Variants in MSRA observed in about 807,000 individuals in gnomAD.
The protein encoded by MSRA is methionine sulfoxide reductase A.
MSRA carries 54 observed loss-of-function variants against 31.3 expected under a neutral mutation model. That is an observed-to-expected ratio of 1.73 (90% CI 1.39 to 2.17). The LOEUF (loss-of-function observed/expected upper bound fraction) is 2.17, where lower values mean the gene tolerates loss of function less well. Ranked by LOEUF, MSRA falls within the 30% of genes most tolerant of loss-of-function variation. The probability of loss-of-function intolerance (pLI) is 0.00; values close to 1 mark genes in which losing one functional copy is unlikely to be tolerated. For synonymous variants in MSRA, 169 were observed against 116.5 expected (o/e 1.45, Z -2.90); for missense variants, 507 against 300.9 (o/e 1.69, Z -5.07).
At chr8:10,210,967 C>G (rs535680162) in intron 2 of MSRA, among the ~76,000 whole-genome samples, 8 of 151,940 alleles carry the variant, frequency 5.3e-5, no homozygotes, top group African/African-American at 1.9e-4. Context: ...AACTCCTAAC[C>G]TCAAGAGATC....
At chr8:10,420,969 C>T (rs180741813) in intron 5 of MSRA, among the ~76,000 whole-genome samples, 98 of 152,042 alleles carry the variant, frequency 6.4e-4, no homozygotes, top group African/African-American at 2.2e-3. Context: ...TGCACTCCAG[C>T]CTGGGTGACA....
chr8:10,237,435 A>G (rs1000707961), intron 2 of MSRA, among the ~76,000 whole-genome samples: 10 of 152,252 alleles, frequency 6.6e-5, no homozygotes, highest in African/African-American at 2.4e-4. Context: ...TGTGTGTCCA[A>G]ACCAAATTAC....
chr8:10,104,740 C>T lies in MSRA; in HGVS notation c.142+50082C>T, dbSNP rs563217568. 4.6e-5 allele frequency among the ~76,000 whole-genome samples: 7 copies of T among 152,230 alleles called. No individual in the cohort carries two copies. In the East Asian group the frequency reaches 5.8e-4, roughly 13 times the overall value. ...CTTTTCCTGAATTCCAAAAGGGAGA[C>T]GGATATAATGAGGCATGTCCAACCC... is the stretch of plus-strand genomic sequence containing the variant. On this transcript the variant is annotated intron_variant, in intron 1 of 5. Transcript: ENST00000317173.
At chr8:10,367,491 G>A (rs77414033) in intron 5 of MSRA, among the ~76,000 whole-genome samples, 304 of 152,290 alleles carry the variant, frequency 2.0e-3, no homozygotes, top group African/African-American at 7.0e-3. Context: ...GATAAGGAGG[G>A]CTTCCGTATT....
chr8:10,368,810 A>G (rs114035536), intron 5 of MSRA, among the ~76,000 whole-genome samples: 1 of 152,200 alleles, frequency 6.6e-6, no homozygotes, highest in African/African-American at 2.4e-5. Flanking sequence ...ACATGCTTGT[A>G]CCTGTCTTGT....
At chr8:10,409,811 C>T (rs1324806910) in intron 5 of MSRA, among the ~76,000 whole-genome samples, 1 of 152,228 alleles carries the variant, frequency 6.6e-6, no homozygotes, top group African/African-American at 2.4e-5. Flanking sequence ...CCTGTAATGT[C>T]AGTACTTTGG....
At chr8:10,334,237 T>G (rs1209830209) in intron 5 of MSRA, among the ~76,000 whole-genome samples, 1 of 151,856 alleles carries the variant, frequency 6.6e-6, no homozygotes, top group African/African-American at 2.4e-5. Context: ...TACACACACA[T>G]TTATATTCGT....
At chr8:10,367,435 T>G (rs2129168435) in intron 5 of MSRA, among the ~76,000 whole-genome samples, 1 of 152,338 alleles carries the variant, frequency 6.6e-6, no homozygotes, top group African/African-American at 2.4e-5. Flanking sequence ...CCATATCCTC[T>G]GAGGTTTTGA....
chr8:10,183,388 A>G (rs1433743032), intron 1 of MSRA, among the ~76,000 whole-genome samples: 3 of 152,168 alleles, frequency 2.0e-5, no homozygotes, highest in Non-Finnish European at 4.4e-5. Context: ...GTCAGAAAGT[A>G]TAAGGTTTAC....
At chr8:10,406,952 C>T (rs1442408350) in intron 5 of MSRA, among the ~76,000 whole-genome samples, 1 of 152,204 alleles carries the variant, frequency 6.6e-6, no homozygotes, top group African/African-American at 2.4e-5. Flanking sequence ...TTCTGGGCTC[C>T]CTGTGGCCTC....
At chr8:10,071,738 T>C (rs1172820476) in intron 1 of MSRA, among the ~76,000 whole-genome samples, 2 of 152,204 alleles carry the variant, frequency 1.3e-5, no homozygotes, top group African/African-American at 4.8e-5. Flanking sequence ...CAAACAGAAC[T>C]CTGTGTACTG....
At position 10,428,360 on chromosome 8, in the gene MSRA, A is replaced by G; in HGVS notation, c.*48A>G. Reference sequence around the variant, plus strand: ...TTGAGGTTCCAGTAAAAATGCTTTCAACAAATTGGGCAATGCTTGTGTGAT... The same window carrying G: ...TTGAGGTTCCAGTAAAAATGCTTTCGACAAATTGGGCAATGCTTGTGTGAT... On this transcript the variant is annotated 3_prime_UTR_variant, in exon 6 of 6. Coordinates refer to ENST00000317173, the MANE Select transcript of MSRA (RefSeq NM_012331.5). The G allele has an allele frequency of 6.3e-7, 1 of 1,589,118 alleles. No individual in the cohort carries two copies. Among genetic ancestry groups the G allele is most frequent in the Non-Finnish European group, 8.6e-7 (1 of 1,162,906 alleles).
chr8:10,322,602 G>A (rs1802107803), intron 5 of MSRA, among the ~76,000 whole-genome samples: 2 of 152,128 alleles, frequency 1.3e-5, no homozygotes, highest in Admixed American at 1.3e-4. Context: ...CTGTTTGGAG[G>A]AGCCATGGGC....
chr8:10,162,093 G>T (rs1456822955), intron 1 of MSRA, among the ~76,000 whole-genome samples: 1 of 152,190 alleles, frequency 6.6e-6, no homozygotes, highest in Non-Finnish European at 1.5e-5. Context: ...TAGGAATTCC[G>T]ATGGGAGGTG....
intron 2 of MSRA, 31 bp from the exon 3 acceptor site, chr8:10,245,073 T>C: frequency 6.2e-7 from 1 of 1,607,222 alleles, no homozygotes; most frequent in Non-Finnish European, 8.5e-7. Context: ...GAATAATCAG[T>C]ATCCTTTTTT....
At chr8:10,066,461 C>T (rs1797459163) in intron 1 of MSRA, among the ~76,000 whole-genome samples, 1 of 152,136 alleles carries the variant, frequency 6.6e-6, no homozygotes, top group Non-Finnish European at 1.5e-5. Context: ...TAAAAATGGA[C>T]CAGATTGTAT....
intron 1 of MSRA, among the ~76,000 whole-genome samples, chr8:10,206,092 T>A (rs183402972): frequency 6.6e-6 from 1 of 152,244 alleles, no homozygotes. Context: ...GATTCATGGG[T>A]TTAAAGAGTT....
chr8:10,181,523 G>A (rs1228462928), intron 1 of MSRA, among the ~76,000 whole-genome samples: 3 of 151,814 alleles, frequency 2.0e-5, no homozygotes, highest in African/African-American at 7.3e-5. Flanking sequence ...GTAGGCCAAA[G>A]TGAAGACTGA....
At chr8:10,092,723 C>G (rs1010043227) in intron 1 of MSRA, among the ~76,000 whole-genome samples, 2 of 151,736 alleles carry the variant, frequency 1.3e-5, no homozygotes, top group East Asian at 3.9e-4. Context: ...TAGTGTTGGT[C>G]AAGTTTTCTG....
Sources: allele counts gnomAD v4.1 joint callset (sites outside exome capture counted in the v4.1 genomes callset), GRCh38; gene constraint gnomAD v4.1.1; transcripts MANE v1.5; gene names NCBI Gene and HGNC (gene_info 2026-07-23, HGNC 2026-07-21).